The following NQO1 variants were observed in gnomAD, a reference collection of about 807,000 sequenced individuals.
The protein encoded by NQO1 is NAD(P)H quinone dehydrogenase 1.
Under a neutral mutation model 32.1 loss-of-function variants are expected in NQO1, and 30 were observed. That is an observed-to-expected ratio of 0.94 (90% CI 0.70 to 1.27). The LOEUF (loss-of-function observed/expected upper bound fraction) is 1.27, where lower values mean the gene tolerates loss of function less well. Among genes scored for constraint, NQO1 ranks in the 50% most tolerant of loss-of-function variants. The probability of loss-of-function intolerance (pLI) is 0.00; values close to 1 mark genes in which losing one functional copy is unlikely to be tolerated. For missense variants in NQO1, 276 were observed against 331.3 expected, an observed-to-expected ratio of 0.83 and a Z score of 1.30; for synonymous variants, 109 against 119.7, an observed-to-expected ratio of 0.91 and a Z score of 0.59.
At chr16:69,719,568 G>T (rs867891108) in intron 1 of NQO1, among the ~76,000 whole-genome samples, 22 of 151,970 alleles carry the variant, frequency 1.4e-4, no homozygotes, top group African/African-American at 4.6e-4. Context: ...GAGGTCAAGA[G>T]ATCAAGACCA....
chr16:69,716,643 G>T (rs747260537), intron 3 of NQO1, among the ~76,000 whole-genome samples: 7 of 151,988 alleles, frequency 4.6e-5, no homozygotes, highest in African/African-American at 1.7e-4. Context: ...ATACCAGGAG[G>T]TTTTCTTATC....
chr16:69,725,680 C>T (rs1445625538), intron 1 of NQO1, among the ~76,000 whole-genome samples: 1 of 152,110 alleles, frequency 6.6e-6, no homozygotes. Flanking sequence ...TTCAAGACCG[C>T]GCTGGCCAAC....
rs936160670 is a variant in NQO1, at chr16:69,718,023, A to G, written c.303+100T>C. ...CACCCTTATTTGCAGAGAATGCAGTAAAGTGGGTAACTGTTTAAGATCTCA... is the reference window on the plus strand; with the variant it reads ...CACCCTTATTTGCAGAGAATGCAGTGAAGTGGGTAACTGTTTAAGATCTCA... On this transcript the variant is annotated intron_variant, in intron 3 of 5. Coordinates refer to ENST00000320623, the MANE Select transcript of NQO1 (RefSeq NM_000903.3). 8.1e-6 allele frequency: 12 copies of G among 1,476,872 alleles called. 1 individual carries two copies. In the South Asian group the frequency reaches 1.4e-4, roughly 17 times the overall value. The allele number at this position is 1,476,872 out of a possible 1,614,324, so 91.5% of individuals were successfully genotyped here.
intron 5 of NQO1, among the ~76,000 whole-genome samples, chr16:69,712,600 A>G (rs1201385167): frequency 6.6e-6 from 1 of 152,224 alleles, no homozygotes; most frequent in Non-Finnish European, 1.5e-5. Flanking sequence ...ATCATTCTGA[A>G]TTATGACCAT....
At chr16:69,716,427 G>A (rs2038114151) in intron 3 of NQO1, among the ~76,000 whole-genome samples, 1 of 151,894 alleles carries the variant, frequency 6.6e-6, no homozygotes, top group Non-Finnish European at 1.5e-5. Context: ...GGGAGGCGGA[G>A]GTTGCAGTGA....
chr16:69,721,261 C>T (rs2038185782), intron 1 of NQO1, among the ~76,000 whole-genome samples: 1 of 152,144 alleles, frequency 6.6e-6, no homozygotes, highest in African/African-American at 2.4e-5. Flanking sequence ...TCAGGTGCTG[C>T]CAATGTGAGA....
In NQO1 at chr16:69,712,534, G is replaced by C. The variant is rs45568735; in HGVS notation, c.519+494C>G. ...TGCTGTTTGAACACATGCACACGCA[G>C]GTGTGTTCACACACAGGCACCTGGG... On this transcript the variant is annotated intron_variant, in intron 5 of 5. Coordinates refer to ENST00000320623, the MANE Select transcript of NQO1 (RefSeq NM_000903.3). Among the ~76,000 whole-genome samples, 338 of 152,316 alleles carry C rather than the reference G, an allele frequency of 2.2e-3. 2 individuals are homozygous for C. Among genetic ancestry groups the C allele is most frequent in the South Asian group, 5.8e-3 (28 of 4,826 alleles).
At chr16:69,715,139 C>T (rs991648499) in intron 3 of NQO1, 62 bp from the exon 4 acceptor site, 40 of 1,285,188 alleles carry the variant, frequency 3.1e-5, no homozygotes, top group African/African-American at 2.3e-4. Context: ...GAAGGTGGCT[C>T]GGAGTGCTGA....
chr16:69,719,489 G>A (rs2038161555), intron 1 of NQO1, among the ~76,000 whole-genome samples: 1 of 152,066 alleles, frequency 6.6e-6, no homozygotes, highest in Non-Finnish European at 1.5e-5. Flanking sequence ...TAACAAGAAT[G>A]AGTTGGCCAG....
At chr16:69,719,671 C>A (rs1172209650) in intron 1 of NQO1, among the ~76,000 whole-genome samples, 1 of 151,710 alleles carries the variant, frequency 6.6e-6, no homozygotes, top group East Asian at 1.9e-4. Context: ...TATTCGGGAG[C>A]CTGAGGCAGG....
intron 1 of NQO1, among the ~76,000 whole-genome samples, chr16:69,724,926 C>T (rs2038240876): frequency 6.6e-6 from 1 of 152,208 alleles, no homozygotes; most frequent in Non-Finnish European, 1.5e-5. Flanking sequence ...CTTTTCACCT[C>T]ATTACCACCG....
rs1003587141 is a variant in NQO1, at chr16:69,718,414, T to G, written c.128A>C (p.Tyr43Ser). Residue 43 changes from tyrosine to serine, a missense_variant, in exon 2 of 6, where the codon TAT becomes TCT. Tyr to Ser is a moderately radical substitution (Grantham distance 144). Transcript: ENST00000320623. ...AATGATGGGATTGAAGTTCATGGCA[T>G]AGAGGTCCGACTCCACCACCTCCCA... Reference protein sequence around the residue: ...KGWEVVESDLYAMNFNPIISR... With the variant: ...KGWEVVESDLSAMNFNPIISR... 1 of 1,614,160 alleles carries G rather than the reference T, an allele frequency of 6.2e-7. No homozygotes were observed. Among genetic ancestry groups the G allele is most frequent in the East Asian group, 2.2e-5 (1 of 44,888 alleles).
intron 5 of NQO1, among the ~76,000 whole-genome samples, chr16:69,712,113 G>C (rs45493093): frequency 0.019 from 2,846 of 152,080 alleles, 91 homozygotes; most frequent in African/African-American, 0.065. Flanking sequence ...TTCGAAACAG[G>C]GTCTCGCCCT....
Position 69,718,258 on chromosome 16 carries a change from A to G in NQO1, c.173-5T>C. 1 of 1,614,020 alleles carries G rather than the reference A, an allele frequency of 6.2e-7. No individual in the cohort carries two copies. The highest frequency in any genetic ancestry group is 2.2e-5 in the East Asian group (1 of 44,890). ...TCGCAGGGTCCTTCAGTTTACCTGCAGAGAAGAAAAAGAGAGGCTGGGGCC... is the reference window on the plus strand; with the variant it reads ...TCGCAGGGTCCTTCAGTTTACCTGCGGAGAAGAAAAAGAGAGGCTGGGGCC... On this transcript the variant is annotated splice_polypyrimidine_tract_variant and splice_region_variant and intron_variant, in intron 2 of 5. Transcript: ENST00000320623.
At chr16:69,716,274 C>A (rs1287071484) in intron 3 of NQO1, among the ~76,000 whole-genome samples, 1 of 151,684 alleles carries the variant, frequency 6.6e-6, no homozygotes, top group African/African-American at 2.4e-5. Context: ...GTGGGTGGAT[C>A]ACTTGAGGTC....
chr16:69,720,098 A>C (rs1250492822), intron 1 of NQO1, among the ~76,000 whole-genome samples: 2 of 152,098 alleles, frequency 1.3e-5, no homozygotes, highest in Non-Finnish European at 2.9e-5. Flanking sequence ...TTCTCTACAA[A>C]ACGTACAAAA....
In NQO1 at chr16:69,725,310, A is replaced by G. The variant is rs144948025; in HGVS notation, c.7+1123T>C. 1.5e-4 allele frequency among the ~76,000 whole-genome samples: 23 copies of G among 152,370 alleles called. No homozygotes were observed. The East Asian group carries it at 3.7e-3, about 24-fold the overall frequency. On this transcript the variant is annotated intron_variant, in intron 1 of 5. Transcript: ENST00000320623. ...GACCAGGTCCACAGGGAAGGAAATT[A>G]CAAAACACAGGATTCTGCCCCAGAT...
Sources: gnomAD v4.1 joint callset for allele counts (sites outside exome capture counted in the v4.1 genomes callset) on GRCh38, gnomAD v4.1.1 for gene constraint, MANE v1.5 for transcripts, NCBI Gene and HGNC (gene_info 2026-07-23, HGNC 2026-07-21) for gene names.